The following CRMP1 variants were observed in gnomAD, a reference collection of about 807,000 sequenced individuals.
CRMP1 encodes the protein dihydropyrimidinase-related protein 1.
A neutral mutation model predicts 68.3 loss-of-function variants in CRMP1; 19 were observed. The observed-to-expected ratio is 0.28, with a 90% CI of 0.19 to 0.41. The LOEUF is 0.41. CRMP1 is among the 10% of genes least tolerant of loss of function. The pLI, the probability that CRMP1 is intolerant of heterozygous loss-of-function variation, is 1.00. For missense variants in CRMP1, 791 were observed against 967.4 expected (o/e 0.82, Z 2.42); for synonymous variants, 439 against 399.6 (o/e 1.10, Z -1.18).
chr4:5,861,642 G>A lies in CRMP1; in HGVS notation c.471-432C>T, dbSNP rs565622706. Among the ~76,000 whole-genome samples, 9 of 152,262 alleles carry A rather than the reference G, an allele frequency of 5.9e-5. No homozygotes were observed. The highest frequency in any genetic ancestry group is 2.0e-4 in the Admixed American group (3 of 15,294). On this transcript the variant is annotated intron_variant, in intron 2 of 13. Transcript: ENST00000324989. The surrounding 1 kb of genome is among the most constrained non-coding windows in gnomAD (Gnocchi z 6.0). ...TGGGGAAGGAGGGAAAAGAGCCTAC[G>A]AAATGAGAAACGAAGCCCCCGGGGA...
At chr4:5,829,661 C>G (rs1284667952) in intron 11 of CRMP1, among the ~76,000 whole-genome samples, 1 of 152,178 alleles carries the variant, frequency 6.6e-6, no homozygotes, top group Non-Finnish European at 1.5e-5. Context: ...ATACACATCT[C>G]TACACAGACA....
Position 5,851,469 on chromosome 4 carries a change from C to T in CRMP1, c.821G>A (p.Gly274Asp), listed in dbSNP as rs1167880099. The change falls in exon 5 of 14, where the codon GGC becomes GAC. Residue 274 changes from glycine to aspartate, a missense_variant and splice_region_variant. Physicochemically the swap from Gly to Asp is moderately conservative, Grantham distance 94. Coordinates refer to ENST00000324989, the MANE Select transcript of CRMP1 (RefSeq NM_001014809.3). ...CATGTAGACTTGGAAGGAATTGACGCCTGTTTCAAGATAGAAAGGATAGAA... is the reference window on the plus strand; with the variant it reads ...CATGTAGACTTGGAAGGAATTGACGTCTGTTTCAAGATAGAAAGGATAGAA... ...EELEVLVQDK[G>D]VNSFQVYMAY... is the part of the protein sequence containing the mutation. 1 of 1,613,774 alleles carries T rather than the reference C, an allele frequency of 6.2e-7. No individual in the cohort carries two copies. The highest frequency in any genetic ancestry group is 8.5e-7 in the Non-Finnish European group (1 of 1,179,786).
rs114088227 is a variant in CRMP1 at position 5,825,998 on chromosome 4, C to G, written c.1804-339G>C. 2,042 of 347,980 alleles carry G rather than the reference C, an allele frequency of 5.9e-3. 11 individuals are homozygous for G. Among genetic ancestry groups the G allele is most frequent in the Non-Finnish European group, 8.8e-3 (1,702 of 193,098 alleles). 21.6% of individuals were successfully genotyped at this position (347,980 alleles called of 1,614,324 possible). ...AAACAGGCCTACACAGTAGCATACACGCGTGAACACGCACACACACTTAAA... is the reference window on the plus strand; with the variant it reads ...AAACAGGCCTACACAGTAGCATACAGGCGTGAACACGCACACACACTTAAA... On this transcript the variant is annotated intron_variant, in intron 12 of 13. Coordinates refer to ENST00000324989, the MANE Select transcript of CRMP1 (RefSeq NM_001014809.3). This position sits in a 1 kb window ranked among gnomAD's most constrained non-coding sequence, Gnocchi z 4.4.
intron 2 of CRMP1, among the ~76,000 whole-genome samples, chr4:5,863,149 C>T (rs1272041313): frequency 5.0e-5 from 7 of 140,412 alleles, no homozygotes; most frequent in African/African-American, 1.8e-4. Flanking sequence ...AGGACATTTC[C>T]TGAACAGCCT....
rs1715907272 is a variant in CRMP1, at chr4:5,890,796, T to C, written c.381+1793A>G. Among the ~76,000 whole-genome samples, 1 of 152,042 alleles carries C rather than the reference T, an allele frequency of 6.6e-6. No individual in the cohort carries two copies. Among genetic ancestry groups the C allele is most frequent in the Non-Finnish European group, 1.5e-5 (1 of 67,988 alleles). ...TGCGCCCTGGGGGAGATGCTGGCGT[T>C]GGTGACATTGACCGCAGTTCCAGAG... On this transcript the variant is annotated intron_variant, in intron 1 of 13. Coordinates refer to ENST00000324989, the MANE Select transcript of CRMP1 (RefSeq NM_001014809.3). The surrounding 1 kb of genome is among the most constrained non-coding windows in gnomAD (Gnocchi z 5.5).
chr4:5,871,247 G>A (rs1714419578), intron 1 of CRMP1, among the ~76,000 whole-genome samples: 1 of 152,188 alleles, frequency 6.6e-6, no homozygotes, highest in Non-Finnish European at 1.5e-5. Context: ...CTTAAAATTA[G>A]TAGTTCCTTT....
rs1027133667 is a variant in CRMP1 at position 5,872,915 on chromosome 4, C to T, written c.382-6159G>A. On this transcript the variant is annotated intron_variant, in intron 1 of 13. Coordinates refer to ENST00000324989, the MANE Select transcript of CRMP1 (RefSeq NM_001014809.3). This position sits in a 1 kb window ranked among gnomAD's most constrained non-coding sequence, Gnocchi z 4.6. Reference sequence around the variant, plus strand: ...CTTGGATCCTGACTTCACTTATTATCCATGTGACTTACCGAGCCTCAGTTT... The same window carrying T: ...CTTGGATCCTGACTTCACTTATTATTCATGTGACTTACCGAGCCTCAGTTT... Among the ~76,000 whole-genome samples the T allele has an allele frequency of 1.3e-5, 2 of 152,178 alleles. No homozygotes were observed. Among genetic ancestry groups the T allele is most frequent in the Non-Finnish European group, 2.9e-5 (2 of 68,044 alleles).
At chr4:5,857,506 T>C (rs931886450) in intron 3 of CRMP1, among the ~76,000 whole-genome samples, 2 of 152,162 alleles carry the variant, frequency 1.3e-5, no homozygotes, top group Non-Finnish European at 2.9e-5. Flanking sequence ...ACCACCATTG[T>C]CATCATCATC....
rs1713507348 is a variant in CRMP1, at chr4:5,860,957, T to C, written c.655+69A>G. ...AGAGAGCCTCGAACACACTGAGCAC[T>C]TGTGATGCTGGTGATGGGGAGGAGA... On this transcript the variant is annotated intron_variant, in intron 3 of 13. Transcript: ENST00000324989. The surrounding 1 kb of genome is among the most constrained non-coding windows in gnomAD (Gnocchi z 4.2). 2.0e-6 allele frequency: 3 copies of C among 1,515,488 alleles called. No individual in the cohort carries two copies. Among genetic ancestry groups the C allele is most frequent in the Non-Finnish European group, 2.7e-6 (3 of 1,110,082 alleles). 93.9% of individuals were successfully genotyped at this position (1,515,488 alleles called of 1,614,324 possible).
rs202144395 is a variant in CRMP1 at position 5,839,654 on chromosome 4, A to G, written c.1178T>C (p.Ile393Thr). 1 of 1,612,976 alleles carries G rather than the reference A, an allele frequency of 6.2e-7. No homozygotes were observed. The highest frequency in any genetic ancestry group is 2.2e-5 in the East Asian group (1 of 44,834). ...GCCATCGGTCCCCAGGCTGGCGGCA[A>G]TGGGCTCTCCAAAAACTAGGGGCCC... ...KKGPLVFGEPIAASLGTDGTH... is the reference protein window; with the variant it reads ...KKGPLVFGEPTAASLGTDGTH... Residue 393 changes from isoleucine to threonine, a missense_variant, in exon 9 of 14, where the codon ATT becomes ACT. Around this residue, in one of 3 missense-constraint regions of CRMP1, gnomAD observed 594 missense variants for 763.6 expected, o/e 0.78. Transcript: ENST00000324989.
In CRMP1 at chr4:5,835,645, G is replaced by C. The variant is rs568308033; in HGVS notation, c.1623+270C>G. Reference sequence around the variant, plus strand: ...ATTATAAGCAGTGTCAGATGGCTGGGAACACATGCATCCATGGGCAGGAGC... The same window carrying C: ...ATTATAAGCAGTGTCAGATGGCTGGCAACACATGCATCCATGGGCAGGAGC... On this transcript the variant is annotated intron_variant, in intron 11 of 13. Transcript: ENST00000324989. Among the ~76,000 whole-genome samples, 21 of 152,248 alleles carry C rather than the reference G, an allele frequency of 1.4e-4. No homozygotes were observed. The South Asian group carries it at 4.4e-3, about 32-fold the overall frequency.
intron 2 of CRMP1, among the ~76,000 whole-genome samples, chr4:5,862,257 C>T (rs772618817): frequency 2.0e-4 from 30 of 152,042 alleles, no homozygotes; most frequent in Non-Finnish European, 7.4e-5. Context: ...GCTGCTTATA[C>T]TAACCGATCC....
intron 13 of CRMP1, among the ~76,000 whole-genome samples, chr4:5,822,213 C>T (rs1718724189): frequency 6.6e-6 from 1 of 152,226 alleles, no homozygotes; most frequent in Non-Finnish European, 1.5e-5. Flanking sequence ...CACAATCATA[C>T]TATGAAGGGG....
At position 5,855,699 on chromosome 4, in the gene CRMP1, G is replaced by A. The variant is rs1214101408; in HGVS notation, c.820+444C>T. Among the ~76,000 whole-genome samples, 1 of 152,220 alleles carries A rather than the reference G, an allele frequency of 6.6e-6. No homozygotes were observed. The highest frequency in any genetic ancestry group is 1.5e-5 in the Non-Finnish European group (1 of 68,042). Reference sequence around the variant, plus strand: ...AACCGGCATTGGCTATTCAAGGAATGAAGCAATGGGAGAAGGTAATGGTTG... The same window carrying A: ...AACCGGCATTGGCTATTCAAGGAATAAAGCAATGGGAGAAGGTAATGGTTG... On this transcript the variant is annotated intron_variant, in intron 4 of 13. Coordinates refer to ENST00000324989, the MANE Select transcript of CRMP1 (RefSeq NM_001014809.3). The surrounding 1 kb of genome is among the most constrained non-coding windows in gnomAD (Gnocchi z 4.9).
intron 13 of CRMP1, among the ~76,000 whole-genome samples, chr4:5,823,622 G>A (rs116728324): frequency 1.6e-4 from 24 of 152,244 alleles, no homozygotes; most frequent in Non-Finnish European, 2.6e-4. Flanking sequence ...ATTAGCTCTC[G>A]GAAGAACTGG....
At chr4:5,836,653 C>T in intron 10 of CRMP1, 112 bp downstream of exon 10, 1 of 1,507,778 alleles carries the variant, frequency 6.6e-7, no homozygotes, top group Admixed American at 1.7e-5. Context: ...ATATCTGCTT[C>T]CGCCTCCATG....
Position 5,892,736 on chromosome 4 carries a change from C to T in CRMP1, c.234G>A (p.Pro78=). The change falls in exon 1 of 14, where the codon CCG becomes CCA. Residue 78 remains proline, a synonymous_variant. Coordinates refer to ENST00000324989, the MANE Select transcript of CRMP1 (RefSeq NM_001014809.3). This position sits in a 1 kb window ranked among gnomAD's most constrained non-coding sequence, Gnocchi z 8.6. ...GRPDAVGLPG[P]GGSEDTASDV... ...CGCTGGCCGTGTCCTCGCTGCCTCCCGGCCCTGGCAGCCCGACCGCGTCGG... is the reference window on the plus strand; with the variant it reads ...CGCTGGCCGTGTCCTCGCTGCCTCCTGGCCCTGGCAGCCCGACCGCGTCGG... 1.6e-6 allele frequency: 2 copies of T among 1,225,782 alleles called. No individual in the cohort carries two copies. The highest frequency in any genetic ancestry group is 2.0e-6 in the Non-Finnish European group (2 of 984,916). The allele number at this position is 1,225,782 out of a possible 1,614,324, so 75.9% of individuals were successfully genotyped here.
chr4:5,876,209 A>G (rs1418018404), intron 1 of CRMP1, among the ~76,000 whole-genome samples: 1 of 152,172 alleles, frequency 6.6e-6, no homozygotes, highest in African/African-American at 2.4e-5. Context: ...CAGAGTCAAA[A>G]TAATCATGAC....
chr4:5,875,456 A>C (rs942131272), intron 1 of CRMP1, among the ~76,000 whole-genome samples: 1 of 152,190 alleles, frequency 6.6e-6, no homozygotes, highest in African/African-American at 2.4e-5. Context: ...CCTCTATCCA[A>C]AAATCACTGG....
Sources: gnomAD v4.1 joint callset for allele counts (sites outside exome capture counted in the v4.1 genomes callset) on GRCh38, gnomAD v4.1.1 for gene constraint, gnomAD v4.1.1 regional missense constraint, Gnocchi (gnomAD v3.1) non-coding constraint, MANE v1.5 for transcripts, NCBI Gene and HGNC (gene_info 2026-07-23, HGNC 2026-07-21) for gene names.